Variants in PALLD observed in about 807,000 individuals in gnomAD.
PALLD encodes palladin, cytoskeletal associated protein.
Under a neutral mutation model 123.5 loss-of-function variants are expected in PALLD, and 61 were observed. That is an observed-to-expected ratio of 0.49 (90% confidence interval 0.40 to 0.61). The LOEUF is 0.61. PALLD is among the 20% of genes least tolerant of loss of function. The pLI is 0.00. For synonymous variants in PALLD, 465 were observed against 496.4 expected (o/e 0.94, Z 0.84); for missense variants, 1,273 against 1,377.0 (o/e 0.92, Z 1.20).
In PALLD at chr4:168,557,699, A is replaced by C. The variant is rs146285472; in HGVS notation, c.908+45287A>C. Reference sequence around the variant, plus strand: ...CGTAAGGTGCCCTACATGTGCATTAAATCTCAAGCACGGTCTCCTTCAGTA... The same window carrying C: ...CGTAAGGTGCCCTACATGTGCATTACATCTCAAGCACGGTCTCCTTCAGTA... On this transcript the variant is annotated intron_variant, in intron 2 of 21. Transcript: ENST00000505667. 6.7e-4 allele frequency among the ~76,000 whole-genome samples: 102 copies of C among 152,292 alleles called. 1 individual carries two copies. Among genetic ancestry groups the C allele is most frequent in the African/African-American group, 2.3e-3 (95 of 41,572 alleles).
intron 2 of PALLD, among the ~76,000 whole-genome samples, chr4:168,577,623 AAGAGTAG>A (rs1432627325): frequency 6.6e-6 from 1 of 152,142 alleles, no homozygotes; most frequent in African/African-American, 2.4e-5. Flanking sequence ...GGCAGGAGTC[AAGAGTAG>A]AGAGGCAATT....
intron 2 of PALLD, among the ~76,000 whole-genome samples, chr4:168,519,854 T>C (rs1225870800): frequency 6.6e-6 from 1 of 152,198 alleles, no homozygotes; most frequent in African/African-American, 2.4e-5. Flanking sequence ...AAAACCTAAT[T>C]TTATAGTTGC....
intron 8 of PALLD, among the ~76,000 whole-genome samples, chr4:168,699,290 G>A (rs1485624554): frequency 6.6e-6 from 1 of 152,106 alleles, no homozygotes; most frequent in African/African-American, 2.4e-5. Context: ...TGTTGGCCAG[G>A]CTGGTCTCGA....
At chr4:168,740,016 C>T (rs964007094) in intron 10 of PALLD, among the ~76,000 whole-genome samples, 3 of 152,106 alleles carry the variant, frequency 2.0e-5, no homozygotes, top group African/African-American at 7.2e-5. Flanking sequence ...AAACAACAGG[C>T]AGCATGATAA....
chr4:168,889,169 T>TGTGTGTGG (rs1279518228), intron 10 of PALLD, among the ~76,000 whole-genome samples: 1 of 130,002 alleles, frequency 7.7e-6, no homozygotes, highest in Non-Finnish European at 1.6e-5. Context: ...TGTGTGTGGT[T>TGTGTGTGG]TTTTTTTTTT....
intron 2 of PALLD, among the ~76,000 whole-genome samples, chr4:168,655,297 A>G (rs1778444700): frequency 6.6e-6 from 1 of 152,240 alleles, no homozygotes; most frequent in Non-Finnish European, 1.5e-5. Context: ...AAAACCCTTG[A>G]AAAAGAAAGT....
chr4:168,738,345 A>G (rs1787964432), intron 10 of PALLD, among the ~76,000 whole-genome samples: 1 of 152,164 alleles, frequency 6.6e-6, no homozygotes, highest in Non-Finnish European at 1.5e-5. Context: ...CATACACGAG[A>G]CTTGTATGTA....
intron 1 of PALLD, among the ~76,000 whole-genome samples, chr4:168,502,793 A>C (rs1270398300): frequency 6.6e-6 from 1 of 152,136 alleles, no homozygotes; most frequent in Non-Finnish European, 1.5e-5. Context: ...AGTTCTAGCT[A>C]CTCAGGAGGA....
chr4:168,827,616 T>G (rs1743592124), intron 10 of PALLD, among the ~76,000 whole-genome samples: 1 of 152,354 alleles, frequency 6.6e-6, no homozygotes, highest in Non-Finnish European at 1.5e-5. Flanking sequence ...GTTATTTCCT[T>G]AGTCTTGTTC....
At chr4:168,520,112 G>C (rs1168013012) in intron 2 of PALLD, among the ~76,000 whole-genome samples, 2 of 151,854 alleles carry the variant, frequency 1.3e-5, no homozygotes, top group African/African-American at 2.4e-5. Flanking sequence ...GGATCACGAG[G>C]ACAGGAGATG....
intron 15 of PALLD, among the ~76,000 whole-genome samples, chr4:168,908,032 C>G (rs970343625): frequency 2.0e-5 from 3 of 152,170 alleles, no homozygotes; most frequent in African/African-American, 7.2e-5. Context: ...GAAGTCTAGG[C>G]CTCAGTGTGT....
chr4:168,916,184 G>A (rs1436015756), intron 17 of PALLD, among the ~76,000 whole-genome samples, 157 bp downstream of exon 17: 1 of 152,166 alleles, frequency 6.6e-6, no homozygotes. Flanking sequence ...GTCCAAAGCC[G>A]GGCAGATCGC....
intron 15 of PALLD, among the ~76,000 whole-genome samples, chr4:168,910,799 A>C (rs6837210): frequency 0.69 from 104,932 of 152,006 alleles, 37,606 homozygotes; most frequent in East Asian, 0.96. Context: ...TACTGAATGC[A>C]ATACGAAGGT....
intron 10 of PALLD, among the ~76,000 whole-genome samples, chr4:168,835,048 A>G (rs1423489240): frequency 3.3e-5 from 5 of 152,186 alleles, no homozygotes; most frequent in African/African-American, 1.2e-4. Flanking sequence ...GCGTGTTCCA[A>G]CAGTTCTTAA....
chr4:168,894,610 G>A lies in PALLD; in HGVS notation c.2132G>A (p.Arg711Gln), dbSNP rs4293759. 5.0e-6 allele frequency: 8 copies of A among 1,613,224 alleles called. No homozygotes were observed. The highest frequency in any genetic ancestry group is 3.3e-5 in the South Asian group (3 of 91,030). ...RLTYEERMAR[R>Q]LLGADSATVF... is the part of the protein sequence containing the mutation. ...ACATACGAAGAAAGAATGGCTCGTCGACTGCTAGGTGCTGACAGTGCAACT... is the reference window on the plus strand; with the variant it reads ...ACATACGAAGAAAGAATGGCTCGTCAACTGCTAGGTGCTGACAGTGCAACT... The change falls in exon 12 of 22, where the codon CGA (arginine) becomes CAA (glutamine). Residue 711 changes from arginine (R) to glutamine (Q), a missense_variant. Arg to Gln is a conservative substitution (Grantham distance 43, BLOSUM62 1). Around this residue, in one of 2 missense-constraint regions of PALLD, gnomAD observed 944 missense variants for 954.5 expected, o/e 0.99. Coordinates refer to ENST00000505667, the MANE Select transcript of PALLD (RefSeq NM_001166108.2).
At chr4:168,621,426 C>T (rs62335540) in intron 2 of PALLD, among the ~76,000 whole-genome samples, 7,855 of 152,212 alleles carry the variant, frequency 0.052, 306 homozygotes, top group Non-Finnish European at 0.075. Context: ...ATGGAACTCC[C>T]GCTGGGGCCG....
At chr4:168,776,288 G>A (rs1181743168) in intron 10 of PALLD, among the ~76,000 whole-genome samples, 1 of 152,140 alleles carries the variant, frequency 6.6e-6, no homozygotes, top group African/African-American at 2.4e-5. Context: ...TTATGCTCTT[G>A]TGAGTTCTTA....
intron 15 of PALLD, among the ~76,000 whole-genome samples, chr4:168,906,312 A>G (rs778559618): frequency 5.3e-5 from 8 of 152,256 alleles, no homozygotes; most frequent in Non-Finnish European, 1.2e-4. Flanking sequence ...TAAAACTGCA[A>G]TTGTGAGTCC....
At chr4:168,546,964 AT>A (rs1215169332) in intron 2 of PALLD, among the ~76,000 whole-genome samples, 4 of 152,168 alleles carry the variant, frequency 2.6e-5, no homozygotes, top group African/African-American at 7.2e-5. Context: ...GTATTTCATA[AT>A]TTTTTTAAAG....
Sources: gnomAD v4.1 joint callset for allele counts (sites outside exome capture counted in the v4.1 genomes callset) on GRCh38, gnomAD v4.1.1 for gene constraint, gnomAD v4.1.1 regional missense constraint, MANE v1.5 for transcripts, NCBI Gene and HGNC (gene_info 2026-07-23, HGNC 2026-07-21) for gene names.